The following NOL8 variants were observed in gnomAD, a reference collection of about 807,000 sequenced individuals.
The protein encoded by NOL8 is nucleolar protein 8, also known as nucleolar protein Nop132.
Under a neutral mutation model 116.1 loss-of-function variants are expected in NOL8, and 93 were observed. The ratio of observed to expected loss-of-function variants is 0.80; its 90% CI spans 0.68 to 0.95. The LOEUF (loss-of-function observed/expected upper bound fraction) is 0.95. Ranked by LOEUF, NOL8 falls within the 40% of genes least tolerant of loss-of-function variation. The probability of loss-of-function intolerance (pLI) is 0.00; values close to 1 mark genes in which losing one functional copy is unlikely to be tolerated. For missense variants in NOL8, 1,291 were observed against 1,382.8 expected (o/e 0.93, Z 1.05); for synonymous variants, 419 against 469.0 (o/e 0.89, Z 1.38).
intron 10 of NOL8, 104 bp from the exon 11 acceptor site, chr9:92,307,128 A>G: frequency 2.5e-6 from 3 of 1,196,056 alleles, no homozygotes; most frequent in Non-Finnish European, 3.5e-6. Flanking sequence ...AAATCCATTA[A>G]GACAGGAAGA....
chr9:92,311,962 A>G (rs1440309698), intron 7 of NOL8, among the ~76,000 whole-genome samples: 4 of 152,234 alleles, frequency 2.6e-5, no homozygotes, highest in Non-Finnish European at 4.4e-5. Flanking sequence ...ATGCCCATCA[A>G]TGGTGGACTG....
rs78791125 is a variant in NOL8 at position 92,302,285 on chromosome 9, T to C, written c.2904-463A>G. Among the ~76,000 whole-genome samples the C allele has an allele frequency of 7.4e-3, 1,129 of 152,336 alleles. 28 individuals carry two copies. Among genetic ancestry groups the C allele is most frequent in the African/African-American group, 0.026 (1,076 of 41,574 alleles). The stretch of plus-strand genomic sequence containing the variant: ...TAATTATAAATATGTATAGTGTCTT[T>C]TGAAATGAAATTTTTATATTACCAT... On this transcript the variant is annotated intron_variant, in intron 12 of 16. Coordinates refer to ENST00000442668, the MANE Select transcript of NOL8 (RefSeq NM_017948.6).
At chr9:92,300,662 T>C (rs1017528612) in intron 13 of NOL8, 2 of 1,054,948 alleles carry the variant, frequency 1.9e-6, no homozygotes, top group African/African-American at 1.7e-5. Flanking sequence ...ACAGTTTATA[T>C]AGACAAGAAA....
chr9:92,297,926 G>C (rs1381312510), intron 16 of NOL8, 40 bp from the exon 17 acceptor site: 1 of 1,497,486 alleles, frequency 6.7e-7, no homozygotes. Context: ...TAAACAAATT[G>C]TTTTTAAGAT....
In NOL8 at chr9:92,316,117, T is replaced by C; in HGVS notation, c.508A>G (p.Lys170Glu). Residue 170 changes from lysine (K) to glutamate (E), a missense_variant, in exon 7 of 17, where the codon AAA becomes GAA. Coordinates refer to ENST00000442668, the MANE Select transcript of NOL8 (RefSeq NM_017948.6). ...ATCTTCTTCAGGTTGTGGCAGTATT[T>C]TGAGGGATCATATTTGATGATGTTA... is the stretch of plus-strand genomic sequence containing the variant. ...KRKIIKYDPS[K>E]YCHNLKKIGE... The C allele has an allele frequency of 6.2e-7, 1 of 1,613,698 alleles. No homozygotes were observed. Among genetic ancestry groups the C allele is most frequent in the South Asian group, 1.1e-5 (1 of 91,048 alleles).
intron 13 of NOL8, chr9:92,300,760 G>T: frequency 1.7e-6 from 2 of 1,191,920 alleles, no homozygotes; most frequent in South Asian, 1.6e-5. Context: ...TTATCTGCTA[G>T]TGAACCGAGA....
At chr9:92,310,517 A>G in intron 9 of NOL8, 36 bp downstream of exon 9, 1 of 1,567,220 alleles carries the variant, frequency 6.4e-7, no homozygotes, top group South Asian at 1.2e-5. Context: ...AAATAAGGAC[A>G]TGCTGCAAGT....
chr9:92,310,041 GAT>G (rs1838626710), intron 10 of NOL8, 128 bp downstream of exon 10: 4 of 647,754 alleles, frequency 6.2e-6, no homozygotes, highest in Non-Finnish European at 1.1e-5. Flanking sequence ...CTGTACATTT[GAT>G]TATAAACTCC....
chr9:92,304,147 C>A (rs2134093762), intron 12 of NOL8, among the ~76,000 whole-genome samples: 1 of 152,330 alleles, frequency 6.6e-6, no homozygotes, highest in South Asian at 2.1e-4. Context: ...AAACCTGTGC[C>A]AGCACTTATG....
chr9:92,298,031 G>A, intron 16 of NOL8, 145 bp from the exon 17 acceptor site: 1 of 737,524 alleles, frequency 1.4e-6, no homozygotes. Flanking sequence ...GGGGATATTG[G>A]CATTTTTGGC....
chr9:92,305,430 A>T (rs1176684670), intron 12 of NOL8, among the ~76,000 whole-genome samples: 1 of 152,218 alleles, frequency 6.6e-6, no homozygotes, highest in Non-Finnish European at 1.5e-5. Flanking sequence ...CTGTAAAGAA[A>T]TAATTTTTGT....
At chr9:92,321,610 T>C in intron 4 of NOL8, 58 bp downstream of exon 4, 1 of 939,976 alleles carries the variant, frequency 1.1e-6, no homozygotes, top group Non-Finnish European at 1.6e-6. Context: ...AAATAATATA[T>C]AAAACCACTT....
rs375748114 is a variant in NOL8, at chr9:92,315,422, T to C, written c.1203A>G (p.Ser401=). Residue 401 remains serine (S), a synonymous_variant, in exon 7 of 17, where the codon TCA becomes TCG. Transcript: ENST00000442668. The part of the protein sequence containing the change: ...VAKVKNSTEF[S]QMEKSTKKTS... ...TTTTCTTCGTAGATTTTTCCATTTG[T>C]GAAAATTCTGTACTGTTTTTGACCT... 1.8e-4 allele frequency: 279 copies of C among 1,589,314 alleles called. No homozygotes were observed. The highest frequency in any genetic ancestry group is 2.3e-4 in the Non-Finnish European group (270 of 1,166,356).
chr9:92,318,033 CAAAAAAAAAAA>C (rs745928872), intron 6 of NOL8, among the ~76,000 whole-genome samples: 2 of 34,602 alleles, frequency 5.8e-5, no homozygotes, highest in Admixed American at 3.3e-4. Context: ...GACTCCATCT[CAAAAAAAAAAA>C]AAAAAAAAAA....
chr9:92,323,976 C>T (rs754605802), intron 2 of NOL8, 47 bp downstream of exon 2: 8 of 1,591,580 alleles, frequency 5.0e-6, no homozygotes, highest in Non-Finnish European at 6.9e-6. Flanking sequence ...AGCACTTAAC[C>T]TGAGTTATGT....
intron 5 of NOL8, chr9:92,318,943 A>G: frequency 2.0e-6 from 1 of 509,574 alleles, no homozygotes; most frequent in Non-Finnish European, 3.4e-6. Context: ...TAATTTGAAC[A>G]GGCAAACTTG....
chr9:92,306,749 G>A (rs1242877680), intron 11 of NOL8, 137 bp downstream of exon 11: 4 of 673,440 alleles, frequency 5.9e-6, no homozygotes, highest in Non-Finnish European at 1.0e-5. Context: ...TCAAAGGCAA[G>A]TATATTTTTA....
At chr9:92,312,959 T>G (rs962207812) in intron 7 of NOL8, among the ~76,000 whole-genome samples, 1 of 150,660 alleles carries the variant, frequency 6.6e-6, no homozygotes, top group African/African-American at 2.4e-5. Flanking sequence ...CCTGCACATA[T>G]ACCCCCAGAA....
intron 12 of NOL8, among the ~76,000 whole-genome samples, chr9:92,304,074 AC>A (rs1403040072): frequency 6.6e-6 from 1 of 152,166 alleles, no homozygotes; most frequent in Non-Finnish European, 1.5e-5. Flanking sequence ...TTCAAAATGA[AC>A]AGGCTTTTGG....
Sources: gnomAD v4.1 joint callset for allele counts (sites outside exome capture counted in the v4.1 genomes callset) on GRCh38, gnomAD v4.1.1 for gene constraint, MANE v1.5 for transcripts, NCBI Gene and HGNC (gene_info 2026-07-23, HGNC 2026-07-21) for gene names.